Variants in ZC3H8 observed in about 807,000 individuals in gnomAD.
The protein encoded by ZC3H8 is zinc finger CCCH-type containing 8, also known as zinc finger CCCH domain-containing protein 8.
Under a neutral mutation model 42.5 loss-of-function variants are expected in ZC3H8, and 27 were observed. The ratio of observed to expected loss-of-function variants is 0.64; its 90% CI spans 0.47 to 0.88. The LOEUF is 0.88. Among genes scored for constraint, ZC3H8 ranks in the 40% least tolerant of loss-of-function variants. The pLI is 0.00. For synonymous variants in ZC3H8, 101 were observed against 110.1 expected, an observed-to-expected ratio of 0.92 and a Z score of 0.52; for missense variants, 277 against 336.1, an observed-to-expected ratio of 0.82 and a Z score of 1.37.
Position 112,250,187 on chromosome 2 carries a change from T to G in ZC3H8, c.156+4A>C. ...AACTTAAACAGTGGTCAACTTAATC[T>G]TACTTTTTTGGGAATTTGCTCGCAC... On this transcript the variant is annotated splice_donor_region_variant and intron_variant, in intron 2 of 8. Coordinates refer to ENST00000409573, the MANE Select transcript of ZC3H8 (RefSeq NM_032494.3). 2.6e-6 allele frequency: 4 copies of G among 1,562,900 alleles called. No homozygotes were observed. The highest frequency in any genetic ancestry group is 3.5e-6 in the Non-Finnish European group (4 of 1,152,264).
In ZC3H8 at chr2:112,213,929, T is replaced by G. The variant is rs1684230559; in HGVS notation, c.*2555A>C. ...CCATTCTATTCTGTGATTTCCATAA[T>G]GAAGACCCACTTAAGAATTTTTTTT... On this transcript the variant is annotated 3_prime_UTR_variant, in exon 9 of 9. Coordinates refer to ENST00000409573, the MANE Select transcript of ZC3H8 (RefSeq NM_032494.3). The G allele has an allele frequency of 6.7e-6, 1 of 150,076 alleles. No homozygotes were observed. The highest frequency in any genetic ancestry group is 2.1e-4 in the South Asian group (1 of 4,782). 9.3% of individuals were successfully genotyped at this position (150,076 alleles called of 1,614,324 possible).
intron 4 of ZC3H8, among the ~76,000 whole-genome samples, chr2:112,235,496 T>C (rs988271272): frequency 6.6e-6 from 1 of 152,162 alleles, no homozygotes; most frequent in Non-Finnish European, 1.5e-5. Flanking sequence ...GGCTTCAGAT[T>C]CCTCATTCAT....
In ZC3H8 at chr2:112,213,562, G is replaced by C. The variant is rs1329336615; in HGVS notation, c.*2922C>G. The stretch of plus-strand genomic sequence containing the variant: ...GAGGCCGAGGTGGGTGGATCACGAG[G>C]TCAGGAGATCGAGACCATCTTGGCT... On this transcript the variant is annotated 3_prime_UTR_variant, in exon 9 of 9. Transcript: ENST00000409573. 2 of 151,612 alleles carry C rather than the reference G, an allele frequency of 1.3e-5. No homozygotes were observed. The highest frequency in any genetic ancestry group is 4.8e-5 in the African/African-American group (2 of 41,254). The allele number at this position is 151,612 out of a possible 1,614,324, so 9.4% of individuals were successfully genotyped here.
chr2:112,217,193 A>G (rs944385618), intron 8 of ZC3H8, among the ~76,000 whole-genome samples: 1 of 152,176 alleles, frequency 6.6e-6, no homozygotes, highest in African/African-American at 2.4e-5. Flanking sequence ...ACATGGTGAA[A>G]CCCCACTTCT....
chr2:112,245,145 C>T (rs985133846), intron 2 of ZC3H8, among the ~76,000 whole-genome samples: 2 of 152,214 alleles, frequency 1.3e-5, no homozygotes, highest in African/African-American at 2.4e-5. Context: ...CACAAAACAG[C>T]CTTATTGCTG....
At chr2:112,224,861 TGG>T (rs1684747664) in intron 8 of ZC3H8, among the ~76,000 whole-genome samples, 1 of 152,216 alleles carries the variant, frequency 6.6e-6, no homozygotes, top group African/African-American at 2.4e-5. Context: ...GGGAACATTC[TGG>T]GGTGATGGAA....
At chr2:112,242,430 C>A (rs1573919342) in intron 2 of ZC3H8, among the ~76,000 whole-genome samples, 1 of 152,202 alleles carries the variant, frequency 6.6e-6, no homozygotes, top group Admixed American at 6.5e-5. Context: ...TGAGTAGCTG[C>A]AAGAGACCTT....
intron 8 of ZC3H8, among the ~76,000 whole-genome samples, chr2:112,224,000 A>G (rs1684705598): frequency 6.6e-6 from 1 of 152,066 alleles, no homozygotes. Flanking sequence ...AAAATTAGCC[A>G]GGGTGGTAGG....
intron 8 of ZC3H8, among the ~76,000 whole-genome samples, chr2:112,221,743 T>C (rs1191284737): frequency 2.0e-5 from 3 of 152,122 alleles, no homozygotes; most frequent in African/African-American, 7.2e-5. Flanking sequence ...ATAATGGTCA[T>C]TTGGTCTAAC....
chr2:112,238,562 C>T, intron 2 of ZC3H8, 34 bp from the exon 3 acceptor site: 1 of 1,544,014 alleles, frequency 6.5e-7, no homozygotes. Context: ...TTTTAAAAAC[C>T]TAGCATGATT....
chr2:112,229,239 T>C (rs780719720), intron 8 of ZC3H8, among the ~76,000 whole-genome samples: 1 of 152,096 alleles, frequency 6.6e-6, no homozygotes, highest in Non-Finnish European at 1.5e-5. Context: ...TGGTTATCCA[T>C]GTGGGAAAAA....
At chr2:112,242,753 A>G (rs1685629665) in intron 2 of ZC3H8, among the ~76,000 whole-genome samples, 1 of 152,226 alleles carries the variant, frequency 6.6e-6, no homozygotes, top group South Asian at 2.1e-4. Context: ...AGAGAGTAAC[A>G]GAAAAATTAG....
At chr2:112,233,904 T>C (rs1037906724) in intron 5 of ZC3H8, among the ~76,000 whole-genome samples, 3 of 152,094 alleles carry the variant, frequency 2.0e-5, no homozygotes, top group Non-Finnish European at 4.4e-5. Context: ...AAAAATTATC[T>C]GACTCAGGTG....
chr2:112,221,907 G>A (rs1684605086), intron 8 of ZC3H8, among the ~76,000 whole-genome samples: 3 of 152,092 alleles, frequency 2.0e-5, no homozygotes, highest in Admixed American at 1.3e-4. Flanking sequence ...CTAGGGAACT[G>A]GTACAGTCAT....
rs912583650 is a variant in ZC3H8, at chr2:112,215,079, A to G, written c.*1405T>C. On this transcript the variant is annotated 3_prime_UTR_variant, in exon 9 of 9. Transcript: ENST00000409573. ...ACTTTATATATAAAATCTATACTTT[A>G]TAAGTATCAAACTATTATACATGAG... 2.0e-5 allele frequency: 3 copies of G among 152,124 alleles called. No individual in the cohort carries two copies. Among genetic ancestry groups the G allele is most frequent in the African/African-American group, 7.2e-5 (3 of 41,444 alleles). 9.4% of individuals were successfully genotyped at this position (152,124 alleles called of 1,614,324 possible). A position where few individuals can be genotyped will look rare whatever the true frequency, so the allele number is the denominator to read the frequency against.
At chr2:112,246,521 G>A (rs776673857) in intron 2 of ZC3H8, among the ~76,000 whole-genome samples, 37 of 152,204 alleles carry the variant, frequency 2.4e-4, no homozygotes, top group African/African-American at 7.7e-4. Flanking sequence ...CCTCAGGGAT[G>A]ACTTTGAGGA....
At chr2:112,250,330 C>T in intron 1 of ZC3H8, 58 bp from the exon 2 acceptor site, 1 of 1,244,898 alleles carries the variant, frequency 8.0e-7, no homozygotes, top group East Asian at 2.8e-5. Flanking sequence ...GTGTTCATAC[C>T]ACAGCGTTAC....
intron 1 of ZC3H8, among the ~76,000 whole-genome samples, chr2:112,252,346 C>T (rs778814498): frequency 3.2e-4 from 48 of 152,188 alleles, no homozygotes; most frequent in Admixed American, 5.9e-4. Flanking sequence ...TGATTCCTCT[C>T]TCACATCCCC....
In ZC3H8 at chr2:112,214,846, G is replaced by A. The variant is rs969971883; in HGVS notation, c.*1638C>T. On this transcript the variant is annotated 3_prime_UTR_variant, in exon 9 of 9. Coordinates refer to ENST00000409573, the MANE Select transcript of ZC3H8 (RefSeq NM_032494.3). ...ACAGGACACATTCATGAGAATCTCT[G>A]TCTCCTAACTTGATTCAACACAAAT... The A allele has an allele frequency of 3.3e-5, 5 of 152,132 alleles. No homozygotes were observed. Among genetic ancestry groups the A allele is most frequent in the African/African-American group, 1.2e-4 (5 of 41,430 alleles). 9.4% of individuals were successfully genotyped at this position (152,132 alleles called of 1,614,324 possible).
Sources: gnomAD v4.1 joint callset for allele counts (sites outside exome capture counted in the v4.1 genomes callset) on GRCh38, gnomAD v4.1.1 for gene constraint, MANE v1.5 for transcripts, NCBI Gene and HGNC (gene_info 2026-07-23, HGNC 2026-07-21) for gene names.